The following ZNF730 variants were observed in gnomAD, a reference collection of about 807,000 sequenced individuals.
ZNF730 encodes zinc finger protein 730.
In ZNF730, 12 loss-of-function variants were observed where a neutral mutation model predicts 12.6. That is an observed-to-expected ratio of 0.95 (90% CI 0.61 to 1.54). The LOEUF (loss-of-function observed/expected upper bound fraction) is 1.54, where lower values mean the gene tolerates loss of function less well. ZNF730 is among the 40% of genes most tolerant of loss of function. The pLI is 0.00. For synonymous variants in ZNF730, 194 were observed against 195.8 expected, an observed-to-expected ratio of 0.99 and a Z score of 0.08; for missense variants, 643 against 583.5, an observed-to-expected ratio of 1.10 and a Z score of -1.05.
At chr19:23,133,631 C>T (rs549122397) in intron 1 of ZNF730, among the ~76,000 whole-genome samples, 3 of 152,254 alleles carry the variant, frequency 2.0e-5, no homozygotes, top group East Asian at 1.9e-4. Context: ...CATGAGCCAC[C>T]GCACCAAGAT....
intron 1 of ZNF730, among the ~76,000 whole-genome samples, chr19:23,081,330 C>T (rs1019633203): frequency 1.3e-5 from 2 of 150,250 alleles, no homozygotes; most frequent in Non-Finnish European, 3.0e-5. Context: ...TTTTGTTTTT[C>T]TTTTTTTGAG....
At chr19:23,104,301 CA>C (rs56332917) in intron 1 of ZNF730, among the ~76,000 whole-genome samples, 48,265 of 95,746 alleles carry the variant, frequency 0.5, 9,683 homozygotes, top group East Asian at 0.65. Context: ...GACTCCATCT[CA>C]AAAAAAAAAA....
At chr19:23,143,008 G>A (rs1194129703) in intron 3 of ZNF730, among the ~76,000 whole-genome samples, 1 of 152,008 alleles carries the variant, frequency 6.6e-6, no homozygotes, top group Admixed American at 6.6e-5. Context: ...ACTTTGGGAG[G>A]CCGAGGCAGA....
At position 23,146,396 on chromosome 19, in the gene ZNF730, C is replaced by G. The variant is rs1172024830; in HGVS notation, c.1352C>G (p.Pro451Arg). ...AAAAGAATTCATACTGGAGAGAAAC[C>G]CTATGAATGTGAAGAATGTGGCAAA... ...THKRIHTGEKPYECEECGKAF... is the reference protein window; with the variant it reads ...THKRIHTGEKRYECEECGKAF... The change falls in exon 4 of 4, where the codon CCC becomes CGC. Residue 451 changes from proline (P) to arginine (R), a missense_variant. Physicochemically the swap from Pro to Arg is moderately radical, Grantham distance 103. Transcript: ENST00000597761. The G allele has an allele frequency of 1.2e-6, 2 of 1,612,936 alleles. No homozygotes were observed. Among genetic ancestry groups the G allele is most frequent in the Non-Finnish European group, 1.7e-6 (2 of 1,179,810 alleles).
intron 3 of ZNF730, among the ~76,000 whole-genome samples, chr19:23,144,518 G>A (rs895482925): frequency 6.6e-6 from 1 of 151,854 alleles, no homozygotes; most frequent in Admixed American, 6.6e-5. Context: ...AGTCAACATG[G>A]TGAAATCCCA....
At chr19:23,075,469 C>A in intron 1 of ZNF730, 1 of 152,516 alleles carries the variant, frequency 6.6e-6, no homozygotes, top group South Asian at 2.0e-4. Context: ...AGTCCGCTCC[C>A]GGGTCCGCCG....
At chr19:23,080,007 G>A (rs531801839) in intron 1 of ZNF730, among the ~76,000 whole-genome samples, 60 of 152,094 alleles carry the variant, frequency 3.9e-4, no homozygotes, top group Admixed American at 6.6e-4. Flanking sequence ...GTGCAGTGGC[G>A]CCATCTTGGC....
At chr19:23,136,863 G>A (rs1266891103) in intron 3 of ZNF730, among the ~76,000 whole-genome samples, 2 of 151,834 alleles carry the variant, frequency 1.3e-5, no homozygotes, top group African/African-American at 2.4e-5. Context: ...TGAATCTAGA[G>A]ACACCTTAGA....
At position 23,145,786 on chromosome 19, in the gene ZNF730, A is replaced by G. The variant is rs554692721; in HGVS notation, c.742A>G (p.Arg248Gly). The change falls in exon 4 of 4, where the codon AGA becomes GGA. Residue 248 changes from arginine (R) to glycine (G), a missense_variant. Arg to Gly is a moderately radical substitution (Grantham distance 125). Transcript: ENST00000597761. ...NWFSHFTTHKRIHTGEKPYQC... is the reference protein window; with the variant it reads ...NWFSHFTTHKGIHTGEKPYQC... The stretch of plus-strand genomic sequence containing the variant: ...GTTTTCACATTTTACTACACATAAG[A>G]GAATTCATACTGGAGAAAAACCCTA... The G allele has an allele frequency of 6.3e-7, 1 of 1,582,632 alleles. No individual in the cohort carries two copies. Among genetic ancestry groups the G allele is most frequent in the Admixed American group, 1.8e-5 (1 of 54,584 alleles).
intron 1 of ZNF730, among the ~76,000 whole-genome samples, chr19:23,096,173 CTTTG>C (rs760126045): frequency 5.3e-5 from 8 of 152,002 alleles, no homozygotes; most frequent in Non-Finnish European, 8.8e-5. Flanking sequence ...TGAAATGACT[CTTTG>C]TTTGGGCCCT....
chr19:23,105,616 G>T (rs184873163), intron 1 of ZNF730, among the ~76,000 whole-genome samples: 19 of 152,230 alleles, frequency 1.2e-4, no homozygotes, highest in Middle Eastern at 3.4e-3. Context: ...AATGTAAAAT[G>T]ATACAGTAAA....
chr19:23,078,997 G>T (rs1359067348), intron 1 of ZNF730, among the ~76,000 whole-genome samples: 1 of 151,876 alleles, frequency 6.6e-6, no homozygotes, highest in African/African-American at 2.4e-5. Context: ...TAGAGATGGG[G>T]ATTTCACCAC....
chr19:23,112,484 G>A (rs1970471341), upstream of ZNF730, among the ~76,000 whole-genome samples: 1 of 152,208 alleles, frequency 6.6e-6, no homozygotes, highest in African/African-American at 2.4e-5. Flanking sequence ...AACACTTTGG[G>A]AGGCTGAGGT....
upstream of ZNF730, among the ~76,000 whole-genome samples, chr19:23,115,440 T>A (rs898258794): frequency 6.6e-6 from 1 of 152,228 alleles, no homozygotes; most frequent in Non-Finnish European, 1.5e-5. Context: ...CCGTTCCCAT[T>A]GAGATATGGA....
chr19:23,142,549 A>G (rs1244493138), intron 3 of ZNF730, among the ~76,000 whole-genome samples: 1 of 151,694 alleles, frequency 6.6e-6, no homozygotes, highest in African/African-American at 2.4e-5. Context: ...TTAGCCGGGT[A>G]TGGTGGCGGG....
intron 1 of ZNF730, chr19:23,127,157 G>A: frequency 1.9e-6 from 1 of 528,912 alleles, no homozygotes; most frequent in Non-Finnish European, 3.7e-6. Context: ...AGAAATGTTT[G>A]TTCATGCTCA....
In ZNF730 at chr19:23,126,661, GT is replaced by G. The variant is rs59629245; in HGVS notation, c.4-7406del. ...AGTTCTAACTCTGCCAGTTCCACTA[GT>G]TTTTTTTTTTTTCTGAATGCAGCAA... On this transcript the variant is annotated intron_variant, in intron 1 of 3. Coordinates refer to ENST00000597761, the MANE Select transcript of ZNF730 (RefSeq NM_001277403.2). 786 of 412,030 alleles carry G rather than the reference GT, an allele frequency of 1.9e-3. 1 individual carries two copies. Among genetic ancestry groups the G allele is most frequent in the African/African-American group, 4.4e-3 (205 of 46,778 alleles). 25.5% of individuals were successfully genotyped at this position (412,030 alleles called of 1,614,324 possible).
Position 23,077,424 on chromosome 19 carries a change from C to CTT in ZNF730, c.-94+2067_-94+2068dup, listed in dbSNP as rs71163442. Among the ~76,000 whole-genome samples the CTT allele has an allele frequency of 2.6e-3, 119 of 45,570 alleles. 17 individuals carry two copies. The highest frequency in any genetic ancestry group is 6.3e-3 in the East Asian group (7 of 1,116). 29.9% of individuals were successfully genotyped at this position (45,570 alleles called of 152,430 possible). On this transcript the variant is annotated intron_variant, in intron 1 of 2. Coordinates refer to the ZNF730 transcript ENST00000593635. The stretch of plus-strand genomic sequence containing the variant: ...AGCTTTTCCCATAATTCCCTAAGAG[C>CTT]TTTTTTTTTTTTTTTTTTTTTTTTT...
intron 1 of ZNF730, among the ~76,000 whole-genome samples, chr19:23,101,906 C>T (rs1473443998): frequency 6.6e-6 from 1 of 152,142 alleles, no homozygotes; most frequent in Non-Finnish European, 1.5e-5. Context: ...AGTTATTTTT[C>T]TTGCATTGGT....
Sources: allele counts gnomAD v4.1 joint callset (sites outside exome capture counted in the v4.1 genomes callset), GRCh38; gene constraint gnomAD v4.1.1; transcripts MANE v1.5; gene names NCBI Gene and HGNC (gene_info 2026-07-23, HGNC 2026-07-21).